The following BICC1 variants were observed in gnomAD, a reference collection of about 807,000 sequenced individuals.
The protein encoded by BICC1 is BicC family RNA binding protein 1.
Under a neutral mutation model 111.0 loss-of-function variants are expected in BICC1, and 43 were observed. The ratio of observed to expected loss-of-function variants is 0.39; its 90% confidence interval spans 0.30 to 0.50. The LOEUF is 0.50. BICC1 is among the 20% of genes least tolerant of loss of function. The probability of loss-of-function intolerance (pLI) is 0.88; values close to 1 mark genes in which losing one functional copy is unlikely to be tolerated. For missense variants in BICC1, 1,091 were observed against 1,203.2 expected, an observed-to-expected ratio of 0.91 and a Z score of 1.38; for synonymous variants, 467 against 434.4, an observed-to-expected ratio of 1.07 and a Z score of -0.93.
chr10:58,785,220 A>G lies in BICC1; in HGVS notation c.387+140A>G, dbSNP rs1842976829. The G allele has an allele frequency of 2.8e-5, 14 of 503,600 alleles. No homozygotes were observed. The East Asian group carries it at 4.2e-4, about 15-fold the overall frequency. 31.2% of individuals were successfully genotyped at this position (503,600 alleles called of 1,614,324 possible). A position where few individuals can be genotyped will look rare whatever the true frequency, so the allele number is the denominator to read the frequency against. ...TTTTAAAATAAGCACATGTGATTCTACAGTGGATGTAAAGTTCTGTTTAAT... is the reference window on the plus strand; with the variant it reads ...TTTTAAAATAAGCACATGTGATTCTGCAGTGGATGTAAAGTTCTGTTTAAT... On this transcript the variant is annotated intron_variant, in intron 4 of 20. Transcript: ENST00000373886.
At chr10:58,597,236 G>T (rs966114828) in intron 1 of BICC1, among the ~76,000 whole-genome samples, 4 of 152,092 alleles carry the variant, frequency 2.6e-5, no homozygotes, top group South Asian at 2.1e-4. Context: ...CATGATTCCT[G>T]CCTGAGTCTC....
At chr10:58,538,537 A>C (rs1842882183) in intron 1 of BICC1, among the ~76,000 whole-genome samples, 1 of 151,926 alleles carries the variant, frequency 6.6e-6, no homozygotes, top group Admixed American at 6.6e-5. Flanking sequence ...ACTTTTCTGG[A>C]CATTGGCCTA....
intron 1 of BICC1, among the ~76,000 whole-genome samples, chr10:58,587,814 G>A (rs548270709): frequency 2.4e-4 from 37 of 152,176 alleles, no homozygotes; most frequent in Non-Finnish European, 4.4e-4. Context: ...TACCCATTAA[G>A]CTTATGGGTT....
intron 2 of BICC1, among the ~76,000 whole-genome samples, chr10:58,632,449 A>G (rs1837824659): frequency 6.6e-6 from 1 of 152,136 alleles, no homozygotes; most frequent in Admixed American, 6.5e-5. Flanking sequence ...GAGAAGTGGC[A>G]CAGAAGTGCC....
chr10:58,802,402 T>C lies in BICC1; in HGVS notation c.2016-675T>C, dbSNP rs138482298. On this transcript the variant is annotated intron_variant, in intron 14 of 20. Transcript: ENST00000373886. ...AATGAATAAACAAAACAGTACTTGA[T>C]TGATATTGCAATCCCTATTTTGAGC... is the stretch of plus-strand genomic sequence containing the variant. Among the ~76,000 whole-genome samples, 284 of 152,376 alleles carry C rather than the reference T, an allele frequency of 1.9e-3. 1 individual carries two copies. Among genetic ancestry groups the C allele is most frequent in the African/African-American group, 6.5e-3 (271 of 41,594 alleles).
intron 1 of BICC1, among the ~76,000 whole-genome samples, chr10:58,610,899 G>A (rs535705981): frequency 2.0e-4 from 30 of 152,082 alleles, no homozygotes; most frequent in Non-Finnish European, 4.0e-4. Context: ...TCTACTATAG[G>A]CCTAAATGAT....
intron 2 of BICC1, among the ~76,000 whole-genome samples, chr10:58,686,458 G>C (rs868695040): frequency 1.3e-5 from 2 of 152,100 alleles, no homozygotes; most frequent in East Asian, 3.9e-4. Flanking sequence ...CCTGAAGAAT[G>C]TTTTCCAATT....
intron 1 of BICC1, among the ~76,000 whole-genome samples, chr10:58,572,639 G>T (rs1589109703): frequency 6.6e-6 from 1 of 152,176 alleles, no homozygotes. Flanking sequence ...AAATTGAAAA[G>T]CACAAAAGTC....
At chr10:58,731,285 C>T (rs185498390) in intron 3 of BICC1, among the ~76,000 whole-genome samples, 5 of 152,270 alleles carry the variant, frequency 3.3e-5, no homozygotes, top group African/African-American at 4.8e-5. Context: ...CTCCTCAGCC[C>T]GGACTTCACT....
At chr10:58,755,806 C>T (rs1291798334) in intron 3 of BICC1, among the ~76,000 whole-genome samples, 3 of 152,134 alleles carry the variant, frequency 2.0e-5, no homozygotes, top group Non-Finnish European at 2.9e-5. Flanking sequence ...GAGTTACAGC[C>T]GAGGCTTCTC....
At chr10:58,693,109 T>C (rs1387427087) in intron 2 of BICC1, among the ~76,000 whole-genome samples, 1 of 151,686 alleles carries the variant, frequency 6.6e-6, no homozygotes, top group African/African-American at 2.4e-5. Flanking sequence ...GAACATGCGG[T>C]GTTTGGTTTT....
intron 15 of BICC1, among the ~76,000 whole-genome samples, chr10:58,804,335 G>A (rs551988152): frequency 6.6e-6 from 1 of 152,146 alleles, no homozygotes; most frequent in Non-Finnish European, 1.5e-5. Context: ...GGACAACGTG[G>A]CAAAACCCCA....
At chr10:58,529,400 G>A (rs1842624334) in intron 1 of BICC1, among the ~76,000 whole-genome samples, 1 of 151,856 alleles carries the variant, frequency 6.6e-6, no homozygotes, top group African/African-American at 2.4e-5. Flanking sequence ...TGATTATTGA[G>A]AACTAACACA....
At chr10:58,734,447 T>C (rs966789038) in intron 3 of BICC1, among the ~76,000 whole-genome samples, 1 of 152,224 alleles carries the variant, frequency 6.6e-6, no homozygotes, top group African/African-American at 2.4e-5. Context: ...CAAGTGTCCA[T>C]ATGAGCTCGA....
chr10:58,523,837 A>T (rs1010250197), intron 1 of BICC1, among the ~76,000 whole-genome samples: 4 of 152,246 alleles, frequency 2.6e-5, no homozygotes, highest in African/African-American at 9.6e-5. Flanking sequence ...CCTTAAGCTG[A>T]TAGACAACTT....
chr10:58,657,658 T>C (rs1165318136), intron 2 of BICC1, among the ~76,000 whole-genome samples: 1 of 152,196 alleles, frequency 6.6e-6, no homozygotes, highest in African/African-American at 2.4e-5. Flanking sequence ...AAGGGGTATA[T>C]ATAATGTTAA....
intron 1 of BICC1, among the ~76,000 whole-genome samples, chr10:58,570,472 C>T (rs1021185690): frequency 3.3e-5 from 5 of 152,072 alleles, no homozygotes; most frequent in Admixed American, 1.3e-4. Flanking sequence ...AGGCTGGAGG[C>T]GGTGGCAGGA....
In BICC1 at chr10:58,623,889, G is replaced by A. The variant is rs1845905096; in HGVS notation, c.237+2988G>A. ...TAATAGCAACAATAGAGGGGAGGGAGGGGCTGGGACATTTGGAGAAAACAA... is the reference window on the plus strand; with the variant it reads ...TAATAGCAACAATAGAGGGGAGGGAAGGGCTGGGACATTTGGAGAAAACAA... On this transcript the variant is annotated intron_variant, in intron 2 of 20. Transcript: ENST00000373886. 2.0e-5 allele frequency among the ~76,000 whole-genome samples: 3 copies of A among 152,126 alleles called. No homozygotes were observed. The South Asian group carries it at 6.2e-4, about 32-fold the overall frequency.
In BICC1 at chr10:58,786,920, T is replaced by C. The variant is rs779430475; in HGVS notation, c.388-3T>C. On this transcript the variant is annotated splice_polypyrimidine_tract_variant and splice_region_variant and intron_variant, in intron 4 of 20. Transcript: ENST00000373886. Reference sequence around the variant, plus strand: ...CAAGTAATAATACATTATTTTCACATAGAGCAATCGAGTCACACTGAAGAT... The same window carrying C: ...CAAGTAATAATACATTATTTTCACACAGAGCAATCGAGTCACACTGAAGAT... 5.1e-5 allele frequency: 80 copies of C among 1,569,824 alleles called. No homozygotes were observed. The highest frequency in any genetic ancestry group is 6.2e-5 in the Non-Finnish European group (72 of 1,164,246).
Sources: allele counts gnomAD v4.1 joint callset (sites outside exome capture counted in the v4.1 genomes callset), GRCh38; gene constraint gnomAD v4.1.1; transcripts MANE v1.5; gene names NCBI Gene and HGNC (gene_info 2026-07-23, HGNC 2026-07-21).